The following CD109 variants were observed in gnomAD, a reference collection of about 807,000 sequenced individuals.
CD109 encodes the protein CD109 molecule.
In CD109, 149 loss-of-function variants were observed where a neutral mutation model predicts 165.8. That is an observed-to-expected ratio of 0.90 (90% CI 0.79 to 1.03). The LOEUF is 1.03. CD109 is among the 50% of genes least tolerant of loss of function. The pLI is 0.00. For missense variants in CD109, 1,712 were observed against 1,677.8 expected (o/e 1.02, Z -0.36); for synonymous variants, 585 against 592.1 (o/e 0.99, Z 0.18).
At chr6:73,708,333 A>T (rs1452730195) in intron 2 of CD109, among the ~76,000 whole-genome samples, 1 of 152,048 alleles carries the variant, frequency 6.6e-6, no homozygotes, top group Non-Finnish European at 1.5e-5. Flanking sequence ...TGAACTCATC[A>T]TTTTTTATGG....
At chr6:73,740,673 A>G (rs1345702413) in intron 5 of CD109, among the ~76,000 whole-genome samples, 2 of 139,920 alleles carry the variant, frequency 1.4e-5, no homozygotes, top group South Asian at 2.3e-4. Flanking sequence ...GCTCACTGAA[A>G]CCTCCACATC....
chr6:73,754,966 G>A (rs1420156044), intron 5 of CD109, among the ~76,000 whole-genome samples: 2 of 152,182 alleles, frequency 1.3e-5, no homozygotes, highest in African/African-American at 4.8e-5. Flanking sequence ...TTTGCATGTT[G>A]TATTTACTCA....
intron 11 of CD109, 46 bp downstream of exon 11, chr6:73,766,200 C>A (rs766883858): frequency 1.4e-6 from 2 of 1,447,662 alleles, no homozygotes; most frequent in Non-Finnish European, 1.9e-6. Flanking sequence ...AACACCATTA[C>A]AGTTGTAATC....
In CD109 at chr6:73,758,978, A is replaced by G; in HGVS notation, c.708A>G (p.Pro236=). ...AATTTGAAGTGACTTTGCAGACACC[A>G]TTATATTGTTCTATGAATTCTAAGC... ...LPKFEVTLQT[P]LYCSMNSKHL... is the part of the protein sequence containing the mutation. Residue 236 remains proline, a synonymous_variant, in exon 7 of 33, where the codon CCA becomes CCG. Coordinates refer to ENST00000287097, the MANE Select transcript of CD109 (RefSeq NM_133493.5). 6.2e-7 allele frequency: 1 copy of G among 1,607,738 alleles called. No homozygotes were observed. Among genetic ancestry groups the G allele is most frequent in the Non-Finnish European group, 8.5e-7 (1 of 1,174,730 alleles).
intron 23 of CD109, among the ~76,000 whole-genome samples, chr6:73,800,483 G>A (rs1336714035): frequency 6.6e-6 from 1 of 152,096 alleles, no homozygotes; most frequent in Non-Finnish European, 1.5e-5. Context: ...GGGATTACTG[G>A]GTCAGAGGGT....
upstream of CD109, chr6:73,696,161 C>T (rs1770818111): frequency 2.6e-6 from 4 of 1,512,130 alleles, no homozygotes; most frequent in Non-Finnish European, 3.6e-6. Context: ...CCACACCCCA[C>T]GGTGCCCGCG....
chr6:73,722,221 G>A (rs1354831656), intron 2 of CD109, among the ~76,000 whole-genome samples: 1 of 152,134 alleles, frequency 6.6e-6, no homozygotes, highest in Admixed American at 6.5e-5. Flanking sequence ...CAAGCTTTTT[G>A]ACACTATAAT....
chr6:73,811,442 G>A (rs764409051), intron 28 of CD109, among the ~76,000 whole-genome samples: 1 of 152,064 alleles, frequency 6.6e-6, no homozygotes, highest in African/African-American at 2.4e-5. Flanking sequence ...ATTACTTTAC[G>A]TATGCTATTG....
chr6:73,680,123 C>G, the CD109 span, among the ~76,000 whole-genome samples: 61 of 152,198 alleles, frequency 4.0e-4, no homozygotes, highest in African/African-American at 1.5e-3. Context: ...ATTCGTGATT[C>G]ATTTCTATTT....
chr6:73,765,262 G>A (rs1302547017), intron 10 of CD109, among the ~76,000 whole-genome samples: 2 of 151,904 alleles, frequency 1.3e-5, no homozygotes, highest in Non-Finnish European at 1.5e-5. Flanking sequence ...CCAGGAGTGA[G>A]GGGATGGGCA....
intron 2 of CD109, among the ~76,000 whole-genome samples, chr6:73,719,126 G>T (rs1771853847): frequency 6.6e-6 from 1 of 152,118 alleles, no homozygotes; most frequent in African/African-American, 2.4e-5. Flanking sequence ...TTGGTTGTAA[G>T]TCTCAGAAAT....
intron 5 of CD109, among the ~76,000 whole-genome samples, chr6:73,739,846 TA>T (rs988853308): frequency 2.7e-5 from 4 of 150,216 alleles, no homozygotes; most frequent in South Asian, 2.1e-4. Context: ...ATACTCTGGC[TA>T]AAAAAAAAGG....
Position 73,697,534 on chromosome 6 carries a change from CTG to C in CD109, c.211_212del (p.Val71LeufsTer10). 3 of 1,614,158 alleles carry C rather than the reference CTG, an allele frequency of 1.9e-6. No individual in the cohort carries two copies. The highest frequency in any genetic ancestry group is 2.5e-6 in the Non-Finnish European group (3 of 1,180,028). On this transcript the variant is annotated frameshift_variant, in exon 2 of 33. Transcript: ENST00000287097. LOFTEE classifies it high-confidence loss of function. Reference sequence around the variant, plus strand: ...CTGCTCAAGACAGCATCAAACCTCACTGTCTCTGTCCTGGAAGCAGAAGGAGT... The same window carrying C: ...CTGCTCAAGACAGCATCAAACCTCACTCTCTGTCCTGGAAGCAGAAGGAGT...
intron 23 of CD109, among the ~76,000 whole-genome samples, chr6:73,797,581 T>A (rs1279135958): frequency 6.7e-6 from 1 of 150,012 alleles, no homozygotes; most frequent in Non-Finnish European, 1.5e-5. Context: ...GAATTTTTTT[T>A]ATCAGCTTAT....
At chr6:73,768,665 A>T (rs1463016116) in intron 14 of CD109, among the ~76,000 whole-genome samples, 1 of 152,202 alleles carries the variant, frequency 6.6e-6, no homozygotes, top group Non-Finnish European at 1.5e-5. Flanking sequence ...AATTAGCTGG[A>T]AACTAGCCCA....
chr6:73,761,415 A>ATGGTCAGAGGT (rs1315756076), intron 7 of CD109, among the ~76,000 whole-genome samples: 4 of 152,244 alleles, frequency 2.6e-5, no homozygotes, highest in Non-Finnish European at 1.5e-5. Flanking sequence ...AGTCTTTCAG[A>ATGGTCAGAGGT]TGGTCAGAGG....
At chr6:73,778,548 A>G (rs747986615) in intron 15 of CD109, among the ~76,000 whole-genome samples, 18 of 152,274 alleles carry the variant, frequency 1.2e-4, no homozygotes, top group Non-Finnish European at 2.4e-4. Context: ...GCAAATCTTC[A>G]TGTATTTGTA....
intron 5 of CD109, among the ~76,000 whole-genome samples, chr6:73,741,979 G>C (rs1208346358): frequency 6.6e-6 from 1 of 152,078 alleles, no homozygotes; most frequent in African/African-American, 2.4e-5. Flanking sequence ...CCTGCAAATG[G>C]TTTTTCCCTC....
intron 5 of CD109, among the ~76,000 whole-genome samples, chr6:73,753,106 A>G (rs1484937190): frequency 2.6e-5 from 4 of 152,166 alleles, no homozygotes; most frequent in South Asian, 2.1e-4. Flanking sequence ...TGTTTTTGTG[A>G]ATAAAGATTT....
Sources: gnomAD v4.1 joint callset for allele counts (sites outside exome capture counted in the v4.1 genomes callset) on GRCh38, gnomAD v4.1.1 for gene constraint, MANE v1.5 for transcripts, NCBI Gene and HGNC (gene_info 2026-07-23, HGNC 2026-07-21) for gene names.